FGFR2: variants seen among roughly 807,000 people sequenced by gnomAD.
FGFR2 encodes BEK fibroblast growth factor receptor.
Under a neutral mutation model 95.9 loss-of-function variants are expected in FGFR2, and 19 were observed. The ratio of observed to expected loss-of-function variants is 0.20; its 90% CI spans 0.14 to 0.29. The LOEUF is 0.29. FGFR2 is among the 10% of genes least tolerant of loss of function. The pLI, the probability that FGFR2 is intolerant of heterozygous loss-of-function variation, is 1.00. For missense variants in FGFR2, 707 were observed against 1,056.9 expected (o/e 0.67, Z 4.59); for synonymous variants, 392 against 393.3 (o/e 1.00, Z 0.04).
chr10:121,582,050 G>A (rs1861012553), intron 2 of FGFR2, among the ~76,000 whole-genome samples: 2 of 151,366 alleles, frequency 1.3e-5, no homozygotes, highest in Non-Finnish European at 2.9e-5. Context: ...TCCTGCCTCC[G>A]CCCCCCAAGT....
intron 4 of FGFR2, among the ~76,000 whole-genome samples, chr10:121,562,098 A>T (rs991633164): frequency 6.6e-6 from 1 of 152,220 alleles, no homozygotes; most frequent in Non-Finnish European, 1.5e-5. Context: ...AAAATGGTGC[A>T]GCCACTTTGC....
intron 5 of FGFR2, among the ~76,000 whole-genome samples, chr10:121,543,892 G>A (rs1209327227): frequency 6.6e-6 from 1 of 152,210 alleles, no homozygotes; most frequent in Non-Finnish European, 1.5e-5. Flanking sequence ...CCCGTTGCTT[G>A]TCGGTGCTCA....
chr10:121,534,091 CTTTTTTTTTTTTTTT>C (rs1022674124), intron 6 of FGFR2, among the ~76,000 whole-genome samples: 1 of 92,118 alleles, frequency 1.1e-5, no homozygotes, highest in Non-Finnish European at 2.0e-5. Context: ...CCCAAAATGG[CTTTTTTTTTTTTTTT>C]TTTTTTTTTT....
At chr10:121,532,559 C>T (rs943802304) in intron 6 of FGFR2, among the ~76,000 whole-genome samples, 3 of 152,210 alleles carry the variant, frequency 2.0e-5, no homozygotes, top group Non-Finnish European at 2.9e-5. Context: ...ACCCAGGAGA[C>T]AGTCCAAACT....
intron 10 of FGFR2, among the ~76,000 whole-genome samples, chr10:121,502,049 C>T (rs1384584644): frequency 6.6e-6 from 1 of 152,200 alleles, no homozygotes. Flanking sequence ...ATTTTCCACA[C>T]TCAGGGTACC....
intron 2 of FGFR2, among the ~76,000 whole-genome samples, chr10:121,576,133 GC>G (rs911246281): frequency 6.6e-6 from 1 of 152,192 alleles, no homozygotes; most frequent in Non-Finnish European, 1.5e-5. Context: ...GTTGCCGTGA[GC>G]CGAGATCACG....
intron 9 of FGFR2, among the ~76,000 whole-genome samples, chr10:121,504,685 A>G (rs1022914152): frequency 6.6e-6 from 1 of 152,236 alleles, no homozygotes; most frequent in Non-Finnish European, 1.5e-5. Context: ...ACCTTTTCCC[A>G]TAACCACACA....
chr10:121,526,875 A>T, intron 6 of FGFR2: 1 of 397,348 alleles, frequency 2.5e-6, no homozygotes, highest in Non-Finnish European at 4.4e-6. Flanking sequence ...TGGATATCTG[A>T]CTCTCGGAAG....
Position 121,507,815 on chromosome 10 carries a change from G to A in FGFR2, c.1288-3874C>T, listed in dbSNP as rs1485909560. Among the ~76,000 whole-genome samples, 5 of 152,266 alleles carry A rather than the reference G, an allele frequency of 3.3e-5. 1 individual carries two copies. Among genetic ancestry groups the A allele is most frequent in the South Asian group, 4.1e-4 (2 of 4,820 alleles). Reference sequence around the variant, plus strand: ...CACTTCTCTCTGGGTAACTTGGAGCGTTTGGAGCCTAGGGTGGTTCTGTGT... The same window carrying A: ...CACTTCTCTCTGGGTAACTTGGAGCATTTGGAGCCTAGGGTGGTTCTGTGT... On this transcript the variant is annotated intron_variant, in intron 9 of 17. Transcript: ENST00000358487.
chr10:121,497,208 T>C (rs888970295), intron 12 of FGFR2, among the ~76,000 whole-genome samples: 2 of 151,174 alleles, frequency 1.3e-5, no homozygotes, highest in African/African-American at 4.9e-5. Flanking sequence ...AATATGATTA[T>C]AATCTCTCCA....
chr10:121,496,478 TAA>T (rs1769674827), intron 13 of FGFR2, 52 bp downstream of exon 13: 1 of 1,580,120 alleles, frequency 6.3e-7, no homozygotes, highest in African/African-American at 1.3e-5. Flanking sequence ...CTGTTTTCTT[TAA>T]AGACATTTTT....
intron 9 of FGFR2, among the ~76,000 whole-genome samples, chr10:121,509,482 C>CTTTTTTTTTTTTTTTTTTTT (rs67778522): frequency 4.4e-5 from 2 of 45,346 alleles, no homozygotes; most frequent in African/African-American, 8.6e-5. Flanking sequence ...TGTTTCTTTT[C>CTTTTTTTTTTTTTTTTTTTT]TTTTTTTTTT....
intron 4 of FGFR2, among the ~76,000 whole-genome samples, chr10:121,553,721 A>C (rs1452587754): frequency 6.6e-6 from 1 of 152,204 alleles, no homozygotes. Context: ...TGCTGAGCTG[A>C]TCCTGTGGAA....
intron 15 of FGFR2, 32 bp downstream of exon 15, chr10:121,487,322 A>G (rs2133822188): frequency 6.3e-7 from 1 of 1,575,542 alleles, no homozygotes; most frequent in South Asian, 1.1e-5. Flanking sequence ...GCTCAAGCCC[A>G]GGAAAAAGCC....
At chr10:121,540,535 T>C (rs1348289990) in intron 5 of FGFR2, among the ~76,000 whole-genome samples, 1 of 152,204 alleles carries the variant, frequency 6.6e-6, no homozygotes, top group Non-Finnish European at 1.5e-5. Context: ...GGCATCGTTA[T>C]GCTAAGAGCA....
At chr10:121,526,965 A>C (rs987579980) in intron 6 of FGFR2, 1 of 388,236 alleles carries the variant, frequency 2.6e-6, no homozygotes, top group East Asian at 3.6e-5. Flanking sequence ...CTGCGGAACA[A>C]ACTTGTTTGG....
chr10:121,582,178 C>G (rs1024146630), intron 2 of FGFR2, among the ~76,000 whole-genome samples: 24 of 152,120 alleles, frequency 1.6e-4, no homozygotes, highest in Non-Finnish European at 1.2e-4. Context: ...GATCCGCCCA[C>G]CTCGGCCCCT....
chr10:121,497,177 A>G (rs1402275422), intron 12 of FGFR2, among the ~76,000 whole-genome samples: 1 of 151,768 alleles, frequency 6.6e-6, no homozygotes, highest in Admixed American at 6.6e-5. Context: ...AAGTTTTAAC[A>G]TACAGAAAAG....
At chr10:121,499,872 C>T (rs1202460590) in intron 11 of FGFR2, among the ~76,000 whole-genome samples, 1 of 152,142 alleles carries the variant, frequency 6.6e-6, no homozygotes, top group Non-Finnish European at 1.5e-5. Context: ...TTTAAAAAAC[C>T]CAAAAAACAA....
Sources: gnomAD v4.1 joint callset for allele counts (sites outside exome capture counted in the v4.1 genomes callset) on GRCh38, gnomAD v4.1.1 for gene constraint, MANE v1.5 for transcripts, NCBI Gene and HGNC (gene_info 2026-07-23, HGNC 2026-07-21) for gene names.